The following BCAR3 variants were observed in gnomAD, a reference collection of about 807,000 sequenced individuals.
BCAR3 encodes breast cancer anti-estrogen resistance protein 3.
Under a neutral mutation model 80.1 loss-of-function variants are expected in BCAR3, and 37 were observed. The ratio of observed to expected loss-of-function variants is 0.46; its 90% CI spans 0.36 to 0.61. The LOEUF (loss-of-function observed/expected upper bound fraction) is 0.61. BCAR3 is among the 20% of genes least tolerant of loss of function. BCAR3 has a pLI of 0.00. For synonymous variants in BCAR3, 389 were observed against 418.9 expected (o/e 0.93, Z 0.87); for missense variants, 978 against 1,068.2 (o/e 0.92, Z 1.18).
At chr1:93,719,926 C>T (rs1044209017) in intron 2 of BCAR3, among the ~76,000 whole-genome samples, 3 of 152,134 alleles carry the variant, frequency 2.0e-5, no homozygotes, top group Non-Finnish European at 2.9e-5. Context: ...GACAGAATCT[C>T]ATTATGTTGC....
intron 2 of BCAR3, among the ~76,000 whole-genome samples, chr1:93,726,208 G>A (rs552902286): frequency 6.6e-6 from 1 of 152,200 alleles, no homozygotes; most frequent in South Asian, 2.1e-4. Flanking sequence ...TAGACCACAA[G>A]TGCATACCAC....
rs77146126 is a variant in BCAR3 at position 93,803,600 on chromosome 1, G to A, written c.-63+41967C>T. On this transcript the variant is annotated intron_variant, in intron 2 of 13. Coordinates refer to the BCAR3 transcript ENST00000370244. Reference sequence around the variant, plus strand: ...CACAATAGGTTCATTCTGGTACTAAGTACTGAGTCCCAGAGAATGAGTCCT... The same window carrying A: ...CACAATAGGTTCATTCTGGTACTAAATACTGAGTCCCAGAGAATGAGTCCT... Among the ~76,000 whole-genome samples, 1,353 of 152,266 alleles carry A rather than the reference G, an allele frequency of 8.9e-3. 18 individuals are homozygous for A. The highest frequency in any genetic ancestry group is 0.032 in the African/African-American group (1,310 of 41,534).
At chr1:93,707,866 A>G (rs954611989) in intron 2 of BCAR3, among the ~76,000 whole-genome samples, 5 of 152,238 alleles carry the variant, frequency 3.3e-5, no homozygotes, top group Admixed American at 6.5e-5. Flanking sequence ...GGAAATAATC[A>G]AAAGCTAACT....
At chr1:93,842,951 G>A (rs747341000) in intron 2 of BCAR3, among the ~76,000 whole-genome samples, 2 of 152,186 alleles carry the variant, frequency 1.3e-5, no homozygotes, top group Non-Finnish European at 2.9e-5. Flanking sequence ...ACTCAGCACT[G>A]AGATATTTTA....
At chr1:93,669,252 G>C (rs867443193) in intron 2 of BCAR3, among the ~76,000 whole-genome samples, 3 of 152,152 alleles carry the variant, frequency 2.0e-5, no homozygotes, top group African/African-American at 7.2e-5. Flanking sequence ...CAATGGTTCT[G>C]AAGAGGAATA....
intron 11 of BCAR3, among the ~76,000 whole-genome samples, chr1:93,565,099 A>G (rs1432391552): frequency 6.7e-6 from 1 of 148,912 alleles, no homozygotes; most frequent in Non-Finnish European, 1.5e-5. Flanking sequence ...CCAGATGGTG[A>G]CTTTTTTTTT....
intron 2 of BCAR3, among the ~76,000 whole-genome samples, chr1:93,727,091 G>T (rs1650611117): frequency 6.6e-6 from 1 of 152,160 alleles, no homozygotes. Context: ...TGGTGGCTTT[G>T]TTTCCTTGCG....
chr1:93,642,228 AT>A, intron 3 of BCAR3, 75 bp downstream of exon 3: 2 of 1,497,668 alleles, frequency 1.3e-6, no homozygotes, highest in South Asian at 2.3e-5. Flanking sequence ...CTGCAGCATT[AT>A]TTAGCAACTC....
chr1:93,798,716 G>C (rs187600097), intron 2 of BCAR3, among the ~76,000 whole-genome samples: 19 of 152,264 alleles, frequency 1.2e-4, no homozygotes, highest in Non-Finnish European at 1.9e-4. Context: ...GAGACACAAC[G>C]ACATAGCTTG....
intron 2 of BCAR3, among the ~76,000 whole-genome samples, chr1:93,809,028 T>C (rs1557695132): frequency 2.0e-5 from 3 of 151,916 alleles, no homozygotes; most frequent in East Asian, 1.9e-4. Context: ...CTGACAGAGG[T>C]TGGGAAGTAG....
chr1:93,736,446 C>A (rs1285845628), intron 2 of BCAR3, among the ~76,000 whole-genome samples: 1 of 152,354 alleles, frequency 6.6e-6, no homozygotes, highest in African/African-American at 2.4e-5. Flanking sequence ...CTTGGCCTCC[C>A]AAAGTGCTGG....
chr1:93,828,017 G>A (rs919503706), intron 2 of BCAR3, among the ~76,000 whole-genome samples: 2 of 152,130 alleles, frequency 1.3e-5, no homozygotes, highest in Non-Finnish European at 2.9e-5. Context: ...TGTAATCCCA[G>A]TGCTTTGGGA....
intron 2 of BCAR3, among the ~76,000 whole-genome samples, chr1:93,783,337 G>A (rs1652828401): frequency 6.6e-6 from 1 of 152,132 alleles, no homozygotes; most frequent in Admixed American, 6.5e-5. Context: ...TCCTACTCCA[G>A]TCATAAAAAT....
intron 3 of BCAR3, among the ~76,000 whole-genome samples, chr1:93,705,521 TCTC>T (rs758864374): frequency 2.0e-5 from 3 of 152,204 alleles, no homozygotes; most frequent in Non-Finnish European, 4.4e-5. Flanking sequence ...GTTTAGAACT[TCTC>T]CTCCCACTAG....
chr1:93,814,356 T>C (rs570348543), intron 2 of BCAR3, among the ~76,000 whole-genome samples: 19 of 152,340 alleles, frequency 1.2e-4, no homozygotes, highest in African/African-American at 4.1e-4. Context: ...TTATTCAGCC[T>C]TATTGAACCT....
At chr1:93,583,821 G>A (rs72963341) in intron 6 of BCAR3, among the ~76,000 whole-genome samples, 197 bp downstream of exon 6, 7,097 of 152,200 alleles carry the variant, frequency 0.047, 557 homozygotes, top group African/African-American at 0.16. Flanking sequence ...GGCTTGCTAC[G>A]AGGCCTAAAA....
rs1279907617 is a variant in BCAR3 at position 93,567,435 on chromosome 1, T to C, written c.2143A>G (p.Thr715Ala). The change falls in exon 11 of 12, where the codon ACG becomes GCG. Residue 715 changes from threonine (T) to alanine (A), a missense_variant. Thr to Ala is a moderately conservative substitution (Grantham distance 58). Transcript: ENST00000260502. ...VSVPLLMPLV[T>A]LMERQAVTFE... ...GTCACAGCCTGGCGCTCCATTAACG[T>C]CACAAGCGGCATCAGCAGTGGGACT... The C allele has an allele frequency of 6.2e-7, 1 of 1,614,198 alleles. No homozygotes were observed. The highest frequency in any genetic ancestry group is 2.2e-5 in the East Asian group (1 of 44,866).
chr1:93,760,197 G>C (rs1377720290), intron 2 of BCAR3, among the ~76,000 whole-genome samples: 1 of 152,160 alleles, frequency 6.6e-6, no homozygotes, highest in African/African-American at 2.4e-5. Flanking sequence ...GGAGTTTTCG[G>C]GCTAACCATT....
At chr1:93,669,517 T>C (rs374031650) in intron 2 of BCAR3, among the ~76,000 whole-genome samples, 124 of 152,278 alleles carry the variant, frequency 8.1e-4, no homozygotes, top group African/African-American at 2.9e-3. Flanking sequence ...GTTCCACTCA[T>C]GCAAACTAAT....
Sources: allele counts gnomAD v4.1 joint callset (sites outside exome capture counted in the v4.1 genomes callset), GRCh38; gene constraint gnomAD v4.1.1; transcripts MANE v1.5; gene names NCBI Gene and HGNC (gene_info 2026-07-23, HGNC 2026-07-21).